RIC1: variants seen among roughly 807,000 people sequenced by gnomAD.
RIC1 encodes the protein RIC1 partner of RAB6A GEF complex.
RIC1 carries 88 observed loss-of-function variants against 169.0 expected under a neutral mutation model. That is an observed-to-expected ratio of 0.52 (90% CI 0.44 to 0.62). The LOEUF (loss-of-function observed/expected upper bound fraction) is 0.62, where lower values mean the gene tolerates loss of function less well. Among genes scored for constraint, RIC1 ranks in the 20% least tolerant of loss-of-function variants. The pLI is 0.00. For synonymous variants in RIC1, 790 were observed against 601.5 expected (o/e 1.31, Z -4.59); for missense variants, 1,877 against 1,725.5 (o/e 1.09, Z -1.56).
rs974051746 is a variant in RIC1, at chr9:5,638,021, C to T, written c.144+8568C>T. ...GCTTTTATTATGTTGAGGTATGTTCCTTCTATACCCAGTTTTTTTAGGGTT... is the reference window on the plus strand; with the variant it reads ...GCTTTTATTATGTTGAGGTATGTTCTTTCTATACCCAGTTTTTTTAGGGTT... On this transcript the variant is annotated intron_variant, in intron 1 of 25. Transcript: ENST00000414202. 7.3e-4 allele frequency among the ~76,000 whole-genome samples: 111 copies of T among 152,260 alleles called. 2 individuals carry two copies. The highest frequency in any genetic ancestry group is 2.5e-3 in the African/African-American group (103 of 41,538).
At chr9:5,649,374 G>T (rs1240380552) in intron 1 of RIC1, among the ~76,000 whole-genome samples, 1 of 151,962 alleles carries the variant, frequency 6.6e-6, no homozygotes, top group Admixed American at 6.6e-5. Context: ...ATGTCATGTA[G>T]GCTTTGTTCA....
intron 7 of RIC1, among the ~76,000 whole-genome samples, chr9:5,733,294 C>T (rs985424868): frequency 1.7e-4 from 25 of 145,782 alleles, no homozygotes; most frequent in East Asian, 1.0e-3. Context: ...GATGGAGTCT[C>T]GCTCTGTTGC....
chr9:5,778,090 G>C (rs73639511), downstream of RIC1, among the ~76,000 whole-genome samples: 1,095 of 152,264 alleles, frequency 7.2e-3, 19 homozygotes, highest in African/African-American at 0.024. Flanking sequence ...ATGAACATGA[G>C]ATGTCTTTCC....
chr9:5,735,039 C>A (rs1302565726), intron 7 of RIC1, among the ~76,000 whole-genome samples: 1 of 152,150 alleles, frequency 6.6e-6, no homozygotes, highest in Non-Finnish European at 1.5e-5. Flanking sequence ...TTGTTCCAAA[C>A]AGAATCGATC....
chr9:5,754,483 C>CT (rs1825888994), intron 14 of RIC1, among the ~76,000 whole-genome samples: 1 of 152,174 alleles, frequency 6.6e-6, no homozygotes, highest in South Asian at 2.1e-4. Flanking sequence ...AATCCCAGCA[C>CT]TTTGGGAGGC....
chr9:5,697,924 C>T (rs1024933452), intron 3 of RIC1, among the ~76,000 whole-genome samples: 11 of 152,218 alleles, frequency 7.2e-5, no homozygotes, highest in South Asian at 4.2e-4. Flanking sequence ...GTCATAATAG[C>T]ATTTCAGGGT....
intron 3 of RIC1, among the ~76,000 whole-genome samples, chr9:5,702,033 G>C (rs531431650): frequency 6.6e-6 from 1 of 152,108 alleles, no homozygotes; most frequent in African/African-American, 2.4e-5. Flanking sequence ...ACATTTGTTG[G>C]TTTTGGGCTA....
intron 3 of RIC1, among the ~76,000 whole-genome samples, chr9:5,698,301 T>G (rs1224785395): frequency 6.6e-6 from 1 of 152,234 alleles, no homozygotes; most frequent in Non-Finnish European, 1.5e-5. Flanking sequence ...CTACACTTGG[T>G]ATTGTGGTTT....
In RIC1 at chr9:5,765,684, T is replaced by A; in HGVS notation, c.3023T>A (p.Phe1008Tyr). The change falls in exon 21 of 26, where the codon TTT becomes TAT. Residue 1008 changes from phenylalanine (F) to tyrosine (Y), a missense_variant. Coordinates refer to ENST00000414202, the MANE Select transcript of RIC1 (RefSeq NM_020829.4). ...TAQEPSSSGG[F>Y]EFFRNRSISL... ...TAGGAACCCAGTTCAAGTGGTGGAT[T>A]TGAGTTCTTCAGGAATCGAAGCATC... 1 of 1,614,200 alleles carries A rather than the reference T, an allele frequency of 6.2e-7. No individual in the cohort carries two copies. Among genetic ancestry groups the A allele is most frequent in the South Asian group, 1.1e-5 (1 of 91,080 alleles).
At chr9:5,674,626 C>A (rs1451250289) in intron 2 of RIC1, among the ~76,000 whole-genome samples, 1 of 152,196 alleles carries the variant, frequency 6.6e-6, no homozygotes, top group Admixed American at 6.5e-5. Context: ...ACCTACTCCA[C>A]AAGTAGCTAC....
chr9:5,729,991 A>G (rs1487754946), intron 6 of RIC1, among the ~76,000 whole-genome samples: 2 of 152,184 alleles, frequency 1.3e-5, no homozygotes, highest in Non-Finnish European at 2.9e-5. Context: ...ATATATTCTC[A>G]GTGTTTATTA....
Position 5,692,983 on chromosome 9 carries a change from A to G in RIC1, c.332+2945A>G, listed in dbSNP as rs544104280. 2.0e-5 allele frequency among the ~76,000 whole-genome samples: 3 copies of G among 152,244 alleles called. No individual in the cohort carries two copies. The East Asian group carries it at 5.8e-4, about 29-fold the overall frequency. ...CACGCGAATAAGTTGTACAGCTAGG[A>G]TTCAGACATAAGTGTTGTAGCTCTA... On this transcript the variant is annotated intron_variant, in intron 3 of 25. Coordinates refer to ENST00000414202, the MANE Select transcript of RIC1 (RefSeq NM_020829.4).
chr9:5,644,126 T>G (rs1328155726), intron 1 of RIC1, among the ~76,000 whole-genome samples: 6 of 152,206 alleles, frequency 3.9e-5, no homozygotes, highest in Non-Finnish European at 7.3e-5. Flanking sequence ...GTACATTGAT[T>G]TTTAGTAAAT....
At chr9:5,711,571 A>T (rs1435375086) in intron 3 of RIC1, among the ~76,000 whole-genome samples, 1 of 121,716 alleles carries the variant, frequency 8.2e-6, no homozygotes, top group Non-Finnish European at 1.9e-5. Context: ...TCTTTATTTT[A>T]TATATATATA....
At position 5,774,959 on chromosome 9, in the gene RIC1, A is replaced by G. The variant is rs574332321; in HGVS notation, c.*713A>G. On this transcript the variant is annotated 3_prime_UTR_variant, in exon 26 of 26. Transcript: ENST00000414202. ...AAACTATTTTGTATTAAAGAACAGT[A>G]TCTTTTTGTGAATACTCTTGTGTAA... 8.5e-5 allele frequency: 13 copies of G among 152,346 alleles called. No individual in the cohort carries two copies. The highest frequency in any genetic ancestry group is 2.6e-4 in the African/African-American group (11 of 41,578). 9.4% of individuals were successfully genotyped at this position (152,346 alleles called of 1,614,324 possible). A position where few individuals can be genotyped will look rare whatever the true frequency, so the allele number is the denominator to read the frequency against.
At chr9:5,669,096 C>G (rs1256251563) in intron 2 of RIC1, among the ~76,000 whole-genome samples, 1 of 152,108 alleles carries the variant, frequency 6.6e-6, no homozygotes, top group Admixed American at 6.6e-5. Flanking sequence ...TTTTTTGAAA[C>G]TCTTTTTGCA....
rs1364925507 is a variant in RIC1 at position 5,722,693 on chromosome 9, C to G, written c.720+1943C>G. Among the ~76,000 whole-genome samples, 8 of 152,252 alleles carry G rather than the reference C, an allele frequency of 5.3e-5. No homozygotes were observed. The South Asian group carries it at 1.5e-3, about 28-fold the overall frequency. The stretch of plus-strand genomic sequence containing the variant: ...TTTACATTAGGTATATCTCCTAATG[C>G]TATCCCTCCCCCCCTCGCCCCACCC... On this transcript the variant is annotated intron_variant, in intron 6 of 25. Coordinates refer to ENST00000414202, the MANE Select transcript of RIC1 (RefSeq NM_020829.4).
At chr9:5,664,653 G>A (rs1819645115) in intron 2 of RIC1, among the ~76,000 whole-genome samples, 1 of 152,038 alleles carries the variant, frequency 6.6e-6, no homozygotes, top group Admixed American at 6.6e-5. Flanking sequence ...TTTGAATGTT[G>A]GCCTGTCTTC....
At chr9:5,722,348 AGTGTGT>A (rs1554673860) in intron 6 of RIC1, among the ~76,000 whole-genome samples, 80 of 131,334 alleles carry the variant, frequency 6.1e-4, no homozygotes, top group African/African-American at 2.1e-3. Flanking sequence ...AGAGAGAGAG[AGTGTGT>A]GTGTGTGTGT....
Sources: gnomAD v4.1 joint callset for allele counts (sites outside exome capture counted in the v4.1 genomes callset) on GRCh38, gnomAD v4.1.1 for gene constraint, MANE v1.5 for transcripts, NCBI Gene and HGNC (gene_info 2026-07-23, HGNC 2026-07-21) for gene names.